Variants in ACCSL observed in about 807,000 individuals in gnomAD.
ACCSL encodes the protein 1-aminocyclopropane-1-carboxylate synthase homolog (inactive) like, also known as probable inactive 1-aminocyclopropane-1-carboxylate synthase-like protein 2.
In ACCSL, 55 loss-of-function variants were observed where a neutral mutation model predicts 61.7. The observed-to-expected ratio is 0.89, with a 90% CI of 0.72 to 1.12. The LOEUF (loss-of-function observed/expected upper bound fraction) is 1.12. Among genes scored for constraint, ACCSL ranks in the 50% most tolerant of loss-of-function variants. The pLI is 0.00. For synonymous variants in ACCSL, 258 were observed against 264.3 expected (o/e 0.98, Z 0.23); for missense variants, 632 against 698.0 (o/e 0.91, Z 1.07).
the ACCSL span, among the ~76,000 whole-genome samples, chr11:43,972,082 G>C: frequency 8.5e-5 from 13 of 152,106 alleles, no homozygotes; most frequent in African/African-American, 1.2e-4. Flanking sequence ...ACATACAATG[G>C]GCACTCAATA....
the ACCSL span, among the ~76,000 whole-genome samples, chr11:44,028,690 A>T: frequency 6.6e-6 from 1 of 152,186 alleles, no homozygotes; most frequent in African/African-American, 2.4e-5. Flanking sequence ...TGTGTGATAG[A>T]GCAGCCTTGC....
chr11:43,961,564 AGCTGCTACCAT>A, the ACCSL span, among the ~76,000 whole-genome samples: 1 of 152,144 alleles, frequency 6.6e-6, no homozygotes, highest in Non-Finnish European at 1.5e-5. Context: ...GGTGTGGTTC[AGCTGCTACCAT>A]GCTAATGGGG....
chr11:44,011,405 G>C, the ACCSL span, among the ~76,000 whole-genome samples: 1 of 151,948 alleles, frequency 6.6e-6, no homozygotes, highest in Non-Finnish European at 1.5e-5. Flanking sequence ...GAGGGACTGC[G>C]TCTGTTTTTG....
chr11:43,956,797 T>C, the ACCSL span, among the ~76,000 whole-genome samples: 1 of 152,190 alleles, frequency 6.6e-6, no homozygotes, highest in African/African-American at 2.4e-5. Context: ...TGAGGTTTAT[T>C]GAGCCAGCTT....
the ACCSL span, among the ~76,000 whole-genome samples, chr11:43,967,028 C>A: frequency 3.3e-5 from 5 of 152,078 alleles, no homozygotes; most frequent in African/African-American, 1.2e-4. Flanking sequence ...CATTCTATCT[C>A]ATTATATTCA....
At chr11:44,057,735 T>C (rs970517012) in intron 11 of ACCSL, among the ~76,000 whole-genome samples, 2 of 151,860 alleles carry the variant, frequency 1.3e-5, no homozygotes, top group Non-Finnish European at 2.9e-5. Context: ...TATTAGGGGA[T>C]TGACTCCTTG....
the ACCSL span, among the ~76,000 whole-genome samples, chr11:43,964,796 A>G: frequency 1.3e-5 from 2 of 152,132 alleles, no homozygotes; most frequent in African/African-American, 4.8e-5. Flanking sequence ...GTGTAAGAAA[A>G]TCAACCAAGG....
chr11:44,019,573 T>C, the ACCSL span, among the ~76,000 whole-genome samples: 1 of 152,172 alleles, frequency 6.6e-6, no homozygotes, highest in African/African-American at 2.4e-5. Flanking sequence ...ATTCCAATCA[T>C]TTGCCCATTT....
the ACCSL span, among the ~76,000 whole-genome samples, chr11:43,968,196 G>A: frequency 6.6e-6 from 1 of 152,144 alleles, no homozygotes; most frequent in African/African-American, 2.4e-5. Flanking sequence ...AGCCCCAAAT[G>A]TCAATAGTGC....
At chr11:44,022,923 T>C in the ACCSL span, among the ~76,000 whole-genome samples, 7 of 152,154 alleles carry the variant, frequency 4.6e-5, no homozygotes, top group African/African-American at 9.6e-5. Flanking sequence ...AAATGTTTAG[T>C]AGAATTCACC....
At chr11:43,970,404 A>T in the ACCSL span, among the ~76,000 whole-genome samples, 2 of 152,132 alleles carry the variant, frequency 1.3e-5, no homozygotes, top group Non-Finnish European at 2.9e-5. Context: ...AGGTTTCACC[A>T]TGGTGCTCAG....
rs374312436 is a variant in ACCSL at position 44,059,923 on chromosome 11, C to T, written c.*3C>T. On this transcript the variant is annotated 3_prime_UTR_variant, in exon 14 of 14. Coordinates refer to ENST00000378832, the MANE Select transcript of ACCSL (RefSeq NM_001031854.2). ...TGGAGGATGCAATGAGGGAGTAGGC[C>T]GTCTGCCTCCCAACCAGCAGTTCCA... The T allele has an allele frequency of 3.8e-5, 62 of 1,613,138 alleles. No homozygotes were observed. The South Asian group carries it at 3.8e-4, about 10-fold the overall frequency.
chr11:44,007,858 T>C, the ACCSL span, among the ~76,000 whole-genome samples: 1 of 152,130 alleles, frequency 6.6e-6, no homozygotes, highest in African/African-American at 2.4e-5. Flanking sequence ...TTTTATCCCT[T>C]TGGTTATAAG....
the ACCSL span, among the ~76,000 whole-genome samples, chr11:43,968,548 C>T: frequency 3.3e-5 from 5 of 152,172 alleles, no homozygotes; most frequent in African/African-American, 9.7e-5. Context: ...TTTGCTGCCA[C>T]TTGCTTTTAC....
chr11:43,967,269 C>T, the ACCSL span, among the ~76,000 whole-genome samples: 1 of 145,788 alleles, frequency 6.9e-6, no homozygotes, highest in South Asian at 2.3e-4. Flanking sequence ...CCTCTGCCTC[C>T]CAGGTTCAAG....
At chr11:44,054,357 T>G (rs2134772686) in intron 8 of ACCSL, among the ~76,000 whole-genome samples, 1 of 152,152 alleles carries the variant, frequency 6.6e-6, no homozygotes, top group South Asian at 2.1e-4. Flanking sequence ...AAGAATTGGA[T>G]AGAATGGGTT....
chr11:44,053,629 G>A (rs1473859784), intron 8 of ACCSL, 123 bp downstream of exon 8: 18 of 825,788 alleles, frequency 2.2e-5, no homozygotes, highest in African/African-American at 8.5e-5. Flanking sequence ...TTGGGAGGCC[G>A]AGAAGGTGGA....
the ACCSL span, among the ~76,000 whole-genome samples, chr11:43,948,580 C>G: frequency 6.6e-6 from 1 of 152,140 alleles, no homozygotes; most frequent in Non-Finnish European, 1.5e-5. Flanking sequence ...CTCAAGTGAT[C>G]CTCCCACTTC....
At chr11:43,941,270 T>G in the ACCSL span, among the ~76,000 whole-genome samples, 1 of 152,180 alleles carries the variant, frequency 6.6e-6, no homozygotes, top group African/African-American at 2.4e-5. Flanking sequence ...AAACATGTTC[T>G]TCTTCGTGTG....
Sources: allele counts gnomAD v4.1 joint callset (sites outside exome capture counted in the v4.1 genomes callset), GRCh38; gene constraint gnomAD v4.1.1; transcripts MANE v1.5; gene names NCBI Gene and HGNC (gene_info 2026-07-23, HGNC 2026-07-21).